Variants in R3HDM2 observed in about 807,000 individuals in gnomAD.
The protein encoded by R3HDM2 is R3H domain containing 2, also known as R3H domain-containing protein 2.
R3HDM2 carries 38 observed loss-of-function variants against 124.5 expected under a neutral mutation model. The ratio of observed to expected loss-of-function variants is 0.31; its 90% CI spans 0.24 to 0.40. The LOEUF (loss-of-function observed/expected upper bound fraction) is 0.40, where lower values mean the gene tolerates loss of function less well. R3HDM2 is among the 10% of genes least tolerant of loss of function. The pLI, the probability that R3HDM2 is intolerant of heterozygous loss-of-function variation, is 1.00. For missense variants in R3HDM2, 869 were observed against 1,236.9 expected (o/e 0.70, Z 4.46); for synonymous variants, 391 against 448.0 (o/e 0.87, Z 1.61).
chr12:57,382,049 G>C (rs2064968042), intron 2 of R3HDM2, among the ~76,000 whole-genome samples: 2 of 151,730 alleles, frequency 1.3e-5, no homozygotes, highest in Non-Finnish European at 2.9e-5. Flanking sequence ...TCTAACTCCT[G>C]GATTCAAGTG....
At chr12:57,263,074 T>G (rs1050546127) in intron 19 of R3HDM2, among the ~76,000 whole-genome samples, 2 of 152,210 alleles carry the variant, frequency 1.3e-5, no homozygotes, top group African/African-American at 4.8e-5. Context: ...TTGTTTTAGT[T>G]TACTTAAATT....
At chr12:57,256,824 T>TCTC (rs1565816835) in intron 21 of R3HDM2, among the ~76,000 whole-genome samples, 10 of 108,660 alleles carry the variant, frequency 9.2e-5, no homozygotes, top group African/African-American at 3.7e-4. Flanking sequence ...TTATCTCTCT[T>TCTC]TTTTTTTTTT....
chr12:57,330,578 C>T (rs1030680200), intron 2 of R3HDM2, among the ~76,000 whole-genome samples: 10 of 150,768 alleles, frequency 6.6e-5, no homozygotes, highest in Middle Eastern at 3.5e-3. Flanking sequence ...CTCCTGACCT[C>T]AGGTGATCCA....
chr12:57,397,397 A>T, intron 1 of R3HDM2, among the ~76,000 whole-genome samples: 1 of 152,192 alleles, frequency 6.6e-6, no homozygotes, highest in East Asian at 1.9e-4. Flanking sequence ...TTCTATGCTA[A>T]AGTGAGAATA....
chr12:57,408,452 C>T (rs994251405), intron 1 of R3HDM2, among the ~76,000 whole-genome samples: 18 of 151,878 alleles, frequency 1.2e-4, no homozygotes, highest in African/African-American at 3.9e-4. Context: ...AATAAGGGGC[C>T]GGGCTTGGTG....
chr12:57,352,921 T>C (rs192348648), intron 2 of R3HDM2, among the ~76,000 whole-genome samples: 1 of 152,206 alleles, frequency 6.6e-6, no homozygotes, highest in Admixed American at 6.6e-5. Flanking sequence ...ACCAGATGTG[T>C]TGGGGCAATT....
chr12:57,346,049 A>G (rs1171495770), intron 2 of R3HDM2, among the ~76,000 whole-genome samples: 1 of 151,702 alleles, frequency 6.6e-6, no homozygotes, highest in Non-Finnish European at 1.5e-5. Flanking sequence ...AATCCCAGCT[A>G]CTCAGGAGGC....
intron 1 of R3HDM2, among the ~76,000 whole-genome samples, chr12:57,411,192 A>T (rs1408726585): frequency 6.6e-6 from 1 of 152,158 alleles, no homozygotes; most frequent in Non-Finnish European, 1.5e-5. Flanking sequence ...CAATAGCAAT[A>T]ATATGCAGGA....
chr12:57,333,389 A>G (rs2058443501), intron 2 of R3HDM2, among the ~76,000 whole-genome samples: 1 of 152,184 alleles, frequency 6.6e-6, no homozygotes, highest in Admixed American at 6.6e-5. Context: ...AAGCTATCAA[A>G]ATAAGAAAGG....
rs112695589 is a variant in R3HDM2 at position 57,265,528 on chromosome 12, A to AAAAAGAAAAG, written c.2131+1193_2131+1202dup. Among the ~76,000 whole-genome samples the AAAAAGAAAAG allele has an allele frequency of 5.2e-3, 781 of 149,840 alleles. 5 individuals carry two copies. Among genetic ancestry groups the AAAAAGAAAAG allele is most frequent in the African/African-American group, 0.018 (716 of 40,592 alleles). ...TAGATTCAGAAAACAAAAAAAAGAA[A>AAAAAGAAAAG]AAAAGAAAAGAAAAGAAAAGAAAAA... On this transcript the variant is annotated intron_variant, in intron 19 of 23. Transcript: ENST00000402412.
intron 19 of R3HDM2, among the ~76,000 whole-genome samples, chr12:57,260,648 G>A (rs572503376): frequency 3.8e-4 from 58 of 152,154 alleles, no homozygotes; most frequent in Non-Finnish European, 6.9e-4. Flanking sequence ...TTCCTGTTGA[G>A]GCTGAGTTCA....
Position 57,281,698 on chromosome 12 carries a change from CT to C in R3HDM2, c.1172-1169del, listed in dbSNP as rs142515665. 8.1e-3 allele frequency among the ~76,000 whole-genome samples: 1,230 copies of C among 152,158 alleles called. 16 individuals carry two copies. The highest frequency in any genetic ancestry group is 0.028 in the African/African-American group (1,147 of 41,522). On this transcript the variant is annotated intron_variant, in intron 13 of 23. Transcript: ENST00000402412. ...ATGGGGTTTTGCCTTGTTGGCCAGG[CT>C]GGTTTCGAACTCCTGGCCTCAAGTG...
Position 57,361,432 on chromosome 12 carries a change from T to C in R3HDM2, c.-36+34317A>G, listed in dbSNP as rs376225355. Among the ~76,000 whole-genome samples the C allele has an allele frequency of 9.3e-5, 13 of 140,436 alleles. No individual in the cohort carries two copies. The East Asian group carries it at 2.5e-3, about 28-fold the overall frequency. The allele number at this position is 140,436 out of a possible 152,430, so 92.1% of individuals were successfully genotyped here. On this transcript the variant is annotated intron_variant, in intron 2 of 23. Transcript: ENST00000402412. ...CAAGCACACTGGCTCATGGCTGTAA[T>C]CCCTACACTTTGGGAAACTGAGGCA...
intron 4 of R3HDM2, among the ~76,000 whole-genome samples, chr12:57,302,162 G>A (rs1204148008): frequency 3.9e-5 from 6 of 151,972 alleles, no homozygotes; most frequent in African/African-American, 1.5e-4. Context: ...GTGCCTGTAA[G>A]CCCAGCTGCT....
chr12:57,348,522 C>T (rs1157803891), intron 2 of R3HDM2, among the ~76,000 whole-genome samples: 2 of 151,398 alleles, frequency 1.3e-5, no homozygotes, highest in East Asian at 1.9e-4. Flanking sequence ...GGCAAAACCC[C>T]GTCTCTACTA....
chr12:57,300,069 T>C (rs1203330959), intron 5 of R3HDM2, 26 bp downstream of exon 5: 1 of 1,524,014 alleles, frequency 6.6e-7, no homozygotes, highest in Non-Finnish European at 8.9e-7. Flanking sequence ...GCGCAAAAGC[T>C]ACACTTACTC....
At chr12:57,255,454 T>TAAC (rs1565807311) in intron 23 of R3HDM2, among the ~76,000 whole-genome samples, 1 of 152,226 alleles carries the variant, frequency 6.6e-6, no homozygotes, top group African/African-American at 2.4e-5. Context: ...TAATGTTCTT[T>TAAC]AACAATAATG....
At chr12:57,357,396 T>C (rs1212024766) in intron 2 of R3HDM2, among the ~76,000 whole-genome samples, 1 of 146,550 alleles carries the variant, frequency 6.8e-6, no homozygotes, top group African/African-American at 2.5e-5. Flanking sequence ...TAGGAGGCAG[T>C]GGTTGAAGTG....
chr12:57,268,178 T>C, intron 18 of R3HDM2, 125 bp downstream of exon 18: 3 of 999,188 alleles, frequency 3.0e-6, no homozygotes, highest in Non-Finnish European at 4.2e-6. Flanking sequence ...ATATTCTACC[T>C]GCTTTAGGGA....
Sources: allele counts gnomAD v4.1 joint callset (sites outside exome capture counted in the v4.1 genomes callset), GRCh38; gene constraint gnomAD v4.1.1; transcripts MANE v1.5; gene names NCBI Gene and HGNC (gene_info 2026-07-23, HGNC 2026-07-21).